The following SPICE1 variants were observed in gnomAD, a reference collection of about 807,000 sequenced individuals.
SPICE1 encodes spindle and centriole associated protein 1, also known as spindle and centriole-associated protein 1.
SPICE1 carries 75 observed loss-of-function variants against 102.7 expected under a neutral mutation model. The observed-to-expected ratio is 0.73, with a 90% CI of 0.61 to 0.88. The LOEUF is 0.88. Ranked by LOEUF, SPICE1 falls within the 40% of genes least tolerant of loss-of-function variation. The pLI is 0.00. For synonymous variants in SPICE1, 308 were observed against 350.3 expected, an observed-to-expected ratio of 0.88 and a Z score of 1.35; for missense variants, 979 against 1,020.1, an observed-to-expected ratio of 0.96 and a Z score of 0.55.
chr3:113,469,936 A>G (rs993855170), intron 7 of SPICE1, among the ~76,000 whole-genome samples: 10 of 152,286 alleles, frequency 6.6e-5, no homozygotes, highest in South Asian at 6.2e-4. Context: ...CTGCTCATCA[A>G]TGAAGTAAAT....
chr3:113,503,431 A>C (rs1445594152), intron 2 of SPICE1, among the ~76,000 whole-genome samples: 1 of 152,222 alleles, frequency 6.6e-6, no homozygotes, highest in Non-Finnish European at 1.5e-5. Context: ...GACTAATTTT[A>C]GATGTCTTAC....
chr3:113,466,087 T>G (rs1463051073), intron 10 of SPICE1, among the ~76,000 whole-genome samples: 1 of 152,110 alleles, frequency 6.6e-6, no homozygotes, highest in Non-Finnish European at 1.5e-5. Context: ...ACACTGACCA[T>G]CTCTAGAAAG....
intron 15 of SPICE1, chr3:113,448,787 A>G (rs1224573995): frequency 3.3e-5 from 5 of 152,132 alleles, no homozygotes; most frequent in African/African-American, 1.2e-4. Context: ...ACCCTATTTA[A>G]TTTTACAAAA....
At chr3:113,477,315 G>A (rs1936376549) in intron 7 of SPICE1, among the ~76,000 whole-genome samples, 1 of 152,086 alleles carries the variant, frequency 6.6e-6, no homozygotes, top group Admixed American at 6.5e-5. Context: ...TGGAGAAGTA[G>A]GAACACTTTT....
intron 11 of SPICE1, among the ~76,000 whole-genome samples, chr3:113,461,215 T>C (rs1935925979): frequency 6.6e-6 from 1 of 151,964 alleles, no homozygotes; most frequent in African/African-American, 2.4e-5. Context: ...CTGTATGTAA[T>C]TAATATAAAT....
chr3:113,474,239 A>G (rs1228643742), intron 7 of SPICE1, among the ~76,000 whole-genome samples: 1 of 151,796 alleles, frequency 6.6e-6, no homozygotes, highest in East Asian at 1.9e-4. Context: ...AGAGCTAACT[A>G]TCCTAAATAT....
At chr3:113,460,498 T>G (rs1935906228) in intron 12 of SPICE1, 119 bp downstream of exon 12, 1 of 1,449,272 alleles carries the variant, frequency 6.9e-7, no homozygotes, top group Non-Finnish European at 9.1e-7. Context: ...GTAGTGACAA[T>G]ACTGTACATG....
intron 12 of SPICE1, chr3:113,460,023 A>G (rs757917420): frequency 1.0e-6 from 1 of 985,314 alleles, no homozygotes; most frequent in African/African-American, 1.7e-5. Context: ...TAAATACATA[A>G]AACACTTTTC....
At chr3:113,499,278 C>A (rs1936960716) in intron 4 of SPICE1, 161 bp downstream of exon 4, 7 of 667,490 alleles carry the variant, frequency 1.0e-5, no homozygotes, top group Non-Finnish European at 1.6e-5. Flanking sequence ...AACCAGACTC[C>A]AGTCACCACT....
intron 1 of SPICE1, among the ~76,000 whole-genome samples, chr3:113,507,568 T>C (rs1318478975): frequency 6.6e-6 from 1 of 151,914 alleles, no homozygotes; most frequent in Non-Finnish European, 1.5e-5. Context: ...CAATCTTCCT[T>C]GCACTCTGTA....
chr3:113,488,932 C>T lies in SPICE1; in HGVS notation c.611+13G>A, dbSNP rs760915439. The T allele has an allele frequency of 3.3e-6, 5 of 1,494,630 alleles. No homozygotes were observed. The Middle Eastern group carries it at 6.8e-4, about 204-fold the overall frequency. The allele number at this position is 1,494,630 out of a possible 1,614,324, so 92.6% of individuals were successfully genotyped here. Reference sequence around the variant, plus strand: ...ACCTGAGAGTTGTAAATATTTATGCCATATACACATACCTGTCTGTATTCG... The same window carrying T: ...ACCTGAGAGTTGTAAATATTTATGCTATATACACATACCTGTCTGTATTCG... On this transcript the variant is annotated intron_variant, in intron 7 of 17. Coordinates refer to ENST00000295872, the MANE Select transcript of SPICE1 (RefSeq NM_144718.4).
In SPICE1 at chr3:113,460,710, G is replaced by A. The variant is rs1195123067; in HGVS notation, c.1342C>T (p.His448Tyr). The A allele has an allele frequency of 6.2e-7, 1 of 1,613,394 alleles. No homozygotes were observed. The highest frequency in any genetic ancestry group is 8.5e-7 in the Non-Finnish European group (1 of 1,179,874). The change falls in exon 12 of 18, where the codon CAT becomes TAT. Residue 448 changes from histidine to tyrosine, a missense_variant. Coordinates refer to ENST00000295872, the MANE Select transcript of SPICE1 (RefSeq NM_144718.4). ...TTDEQLISLT[H>Y]AIKNCPVINN... ...ATCACAGGACAGTTCTTAATAGCAT[G>A]TGTGAGTGATATCAGTTGCTCATCT...
chr3:113,514,435 C>G (rs1270338562), intron 1 of SPICE1: 1 of 355,164 alleles, frequency 2.8e-6, no homozygotes, highest in East Asian at 7.6e-5. Context: ...GGATGGCTCC[C>G]CACTGTCAAA....
intron 11 of SPICE1, among the ~76,000 whole-genome samples, chr3:113,462,799 A>C (rs1935963912): frequency 1.3e-5 from 2 of 152,132 alleles, no homozygotes. Flanking sequence ...TCTAGTTTCA[A>C]CACAGCCCAG....
At chr3:113,480,571 AT>A (rs1477390402) in intron 7 of SPICE1, among the ~76,000 whole-genome samples, 1 of 152,230 alleles carries the variant, frequency 6.6e-6, no homozygotes, top group African/African-American at 2.4e-5. Context: ...AACTCATAAC[AT>A]AATGTACCAT....
chr3:113,464,570 T>TA (rs1559961333), intron 11 of SPICE1, among the ~76,000 whole-genome samples: 1 of 152,134 alleles, frequency 6.6e-6, no homozygotes, highest in Non-Finnish European at 1.5e-5. Context: ...TTATCAATTT[T>TA]AAAAAATTAT....
At position 113,488,995 on chromosome 3, in the gene SPICE1, C is replaced by G; in HGVS notation, c.561G>C (p.Glu187Asp). ...AGTTTAGAGAGTTATCCAACTCATT[C>G]TCATTCTCACTTTCTCCTGACTGGC... ...VNSQSGESENENELDNSLNSQ... is the reference protein window; with the variant it reads ...VNSQSGESENDNELDNSLNSQ... The change falls in exon 7 of 18, where the codon GAG becomes GAC. Residue 187 changes from glutamate (E) to aspartate (D), a missense_variant. Coordinates refer to ENST00000295872, the MANE Select transcript of SPICE1 (RefSeq NM_144718.4). 6.2e-7 allele frequency: 1 copy of G among 1,613,536 alleles called. No individual in the cohort carries two copies. The highest frequency in any genetic ancestry group is 2.2e-5 in the East Asian group (1 of 44,846).
rs531450619 is a variant in SPICE1 at position 113,514,283 on chromosome 3, G to A, written c.-1+614C>T. On this transcript the variant is annotated intron_variant, in intron 1 of 17. Coordinates refer to ENST00000295872, the MANE Select transcript of SPICE1 (RefSeq NM_144718.4). ...AATTTTAAAAGGGATAGTTATGACT[G>A]GACTTAGTAAATCCACTCTGACTGG... is the stretch of plus-strand genomic sequence containing the variant. 5 of 207,856 alleles carry A rather than the reference G, an allele frequency of 2.4e-5. No homozygotes were observed. The South Asian group carries it at 2.6e-4, about 11-fold the overall frequency. 12.9% of individuals were successfully genotyped at this position (207,856 alleles called of 1,614,324 possible).
chr3:113,466,482 C>T (rs974498893), intron 10 of SPICE1, among the ~76,000 whole-genome samples: 8 of 151,870 alleles, frequency 5.3e-5, no homozygotes, highest in African/African-American at 1.5e-4. Context: ...TGGTGGTGCA[C>T]GCCTGTAGTC....
Sources: allele counts gnomAD v4.1 joint callset (sites outside exome capture counted in the v4.1 genomes callset), GRCh38; gene constraint gnomAD v4.1.1; transcripts MANE v1.5; gene names NCBI Gene and HGNC (gene_info 2026-07-23, HGNC 2026-07-21).